PSMB7: variants seen among roughly 807,000 people sequenced by gnomAD.
The protein encoded by PSMB7 is proteasome subunit beta type-7.
Under a neutral mutation model 28.1 loss-of-function variants are expected in PSMB7, and 5 were observed. The observed-to-expected ratio is 0.18, with a 90% confidence interval of 0.09 to 0.37. PSMB7 has a LOEUF of 0.37. PSMB7 is among the 10% of genes least tolerant of loss of function. The pLI is 1.00. For synonymous variants in PSMB7, 122 were observed against 123.7 expected (o/e 0.99, Z 0.09); for missense variants, 275 against 346.2 (o/e 0.79, Z 1.63).
intron 5 of PSMB7, among the ~76,000 whole-genome samples, chr9:124,388,890 C>T (rs954129311): frequency 6.6e-6 from 1 of 152,184 alleles, no homozygotes; most frequent in Admixed American, 6.5e-5. Context: ...CAGGGTTTAT[C>T]ACTCTCATCT....
intron 2 of PSMB7, among the ~76,000 whole-genome samples, chr9:124,414,611 TAAAA>T (rs11418169): frequency 7.1e-6 from 1 of 141,062 alleles, no homozygotes; most frequent in African/African-American, 2.6e-5. Context: ...CTGACCTGTT[TAAAA>T]AAAAAAAAAA....
chr9:124,364,106 GAACT>G (rs1243025030), intron 6 of PSMB7, among the ~76,000 whole-genome samples: 1 of 152,156 alleles, frequency 6.6e-6, no homozygotes, highest in East Asian at 1.9e-4. Context: ...GGGTATGAGA[GAACT>G]AACACCAGGC....
At chr9:124,391,736 T>G (rs909411928) in intron 5 of PSMB7, among the ~76,000 whole-genome samples, 1 of 152,192 alleles carries the variant, frequency 6.6e-6, no homozygotes, top group Non-Finnish European at 1.5e-5. Context: ...TAACTCACTT[T>G]GAAACTAACT....
intron 4 of PSMB7, among the ~76,000 whole-genome samples, chr9:124,409,334 G>GT (rs1831001737): frequency 6.6e-6 from 1 of 152,164 alleles, no homozygotes; most frequent in South Asian, 2.1e-4. Flanking sequence ...AAGAAAAAAA[G>GT]TTACAATATA....
chr9:124,413,970 A>G lies in PSMB7; in HGVS notation c.192T>C (p.Thr64=). Residue 64 remains threonine, a synonymous_variant, in exon 3 of 8, where the codon ACT becomes ACC. Coordinates refer to ENST00000259457, the MANE Select transcript of PSMB7 (RefSeq NM_002799.4). ...GIVLGADTRA[T]EGMVVADKNC... ...TCTTGTCAGCAACAACCATCCCTTC[A>G]GTTGCTCTTGTATCTGCTCCAAGAA... 2 of 1,613,408 alleles carry G rather than the reference A, an allele frequency of 1.2e-6. No individual in the cohort carries two copies. Among genetic ancestry groups the G allele is most frequent in the Non-Finnish European group, 1.7e-6 (2 of 1,179,728 alleles).
chr9:124,398,172 C>CA (rs11301732), intron 5 of PSMB7, among the ~76,000 whole-genome samples: 5,835 of 131,266 alleles, frequency 0.044, 344 homozygotes, highest in African/African-American at 0.14. Context: ...GACTCCATCT[C>CA]AAAAAAAAAA....
intron 3 of PSMB7, among the ~76,000 whole-genome samples, chr9:124,413,326 C>T (rs949578433): frequency 2.0e-5 from 3 of 151,728 alleles, no homozygotes; most frequent in South Asian, 2.1e-4. Flanking sequence ...ACAGTTCAGA[C>T]GTAACTGGAG....
At position 124,414,892 on chromosome 9, in the gene PSMB7, G is replaced by C. The variant is rs139109263; in HGVS notation, c.106C>G (p.Leu36Val). The change falls in exon 2 of 8, where the codon CTT becomes GTT. Residue 36 changes from leucine (L) to valine (V), a missense_variant. Physicochemically the swap from Leu to Val is conservative, Grantham distance 32. Transcript: ENST00000259457. The stretch of plus-strand genomic sequence containing the variant: ...GTGCCAGTTTTCCGGACCTTTGGAA[G>C]CTTGTATCCCCTCTTTGCAAAATCG... ...EADFAKRGYK[L>V]PKVRKTGTTI... is the part of the protein sequence containing the mutation. 2 of 1,613,590 alleles carry C rather than the reference G, an allele frequency of 1.2e-6. No homozygotes were observed. Among genetic ancestry groups the C allele is most frequent in the African/African-American group, 2.7e-5 (2 of 74,868 alleles).
intron 6 of PSMB7, among the ~76,000 whole-genome samples, chr9:124,372,745 G>A (rs1476568121): frequency 1.3e-5 from 2 of 152,186 alleles, no homozygotes; most frequent in African/African-American, 2.4e-5. Flanking sequence ...CCATTAACTG[G>A]GGTTCTAAAG....
intron 6 of PSMB7, among the ~76,000 whole-genome samples, chr9:124,371,231 A>G (rs1044164518): frequency 6.6e-6 from 1 of 152,256 alleles, no homozygotes; most frequent in East Asian, 1.9e-4. Flanking sequence ...TACATTAACA[A>G]TTTATGCCAA....
intron 3 of PSMB7, 117 bp downstream of exon 3, chr9:124,413,791 A>G (rs1831055599): frequency 9.0e-6 from 6 of 668,922 alleles, no homozygotes; most frequent in Non-Finnish European, 1.0e-5. Context: ...AATGCCATTT[A>G]AGGGAGACAG....
rs1218116597 is a variant in PSMB7, at chr9:124,415,153, T to C, written c.62+211A>G. On this transcript the variant is annotated intron_variant, in intron 1 of 7. Coordinates refer to ENST00000259457, the MANE Select transcript of PSMB7 (RefSeq NM_002799.4). ...TGCCTTAGGAGACGGAGATAAACGG[T>C]GGCCGAGTGCGCTGGGAAGGTGGGA... is the stretch of plus-strand genomic sequence containing the variant. 11 of 636,840 alleles carry C rather than the reference T, an allele frequency of 1.7e-5. No individual in the cohort carries two copies. In the East Asian group the frequency reaches 2.7e-4, roughly 16 times the overall value. The allele number at this position is 636,840 out of a possible 1,614,324, so 39.4% of individuals were successfully genotyped here.
chr9:124,366,376 TG>T (rs1405430156), intron 6 of PSMB7, among the ~76,000 whole-genome samples: 3 of 152,242 alleles, frequency 2.0e-5, no homozygotes, highest in Admixed American at 2.0e-4. Flanking sequence ...CACTCCAACC[TG>T]GGCAAGACTC....
chr9:124,370,908 AAAG>A (rs1830556064), intron 6 of PSMB7, among the ~76,000 whole-genome samples: 3 of 152,218 alleles, frequency 2.0e-5, no homozygotes, highest in East Asian at 1.9e-4. Flanking sequence ...GAGCTAATAA[AAAG>A]AAGAAAAATC....
chr9:124,377,161 T>C (rs1358040512), intron 6 of PSMB7, among the ~76,000 whole-genome samples: 1 of 152,182 alleles, frequency 6.6e-6, no homozygotes, highest in Admixed American at 6.5e-5. Flanking sequence ...TGAGCCACCA[T>C]CTAAGGTGTT....
At chr9:124,355,152 C>G (rs1270391498) in intron 7 of PSMB7, among the ~76,000 whole-genome samples, 2 of 152,248 alleles carry the variant, frequency 1.3e-5, no homozygotes, top group African/African-American at 4.8e-5. Flanking sequence ...GTCCAGGGAG[C>G]TTGGACACTT....
At chr9:124,408,638 G>A (rs1052286102) in intron 4 of PSMB7, among the ~76,000 whole-genome samples, 2 of 152,096 alleles carry the variant, frequency 1.3e-5, no homozygotes, top group African/African-American at 4.8e-5. Flanking sequence ...CAAGTATTCA[G>A]AACTTCTCTA....
chr9:124,357,787 G>A (rs1483600483), intron 6 of PSMB7, among the ~76,000 whole-genome samples: 3 of 152,184 alleles, frequency 2.0e-5, no homozygotes, highest in Non-Finnish European at 2.9e-5. Context: ...GGGCTTAAGA[G>A]TCTAGCAGGG....
At chr9:124,381,997 C>T (rs1273954463) in intron 6 of PSMB7, among the ~76,000 whole-genome samples, 3 of 151,850 alleles carry the variant, frequency 2.0e-5, no homozygotes, top group Non-Finnish European at 4.4e-5. Context: ...TGGTGGCTCA[C>T]ACCTGTAATC....
Sources: allele counts gnomAD v4.1 joint callset (sites outside exome capture counted in the v4.1 genomes callset), GRCh38; gene constraint gnomAD v4.1.1; transcripts MANE v1.5; gene names NCBI Gene and HGNC (gene_info 2026-07-23, HGNC 2026-07-21).